GLCCI1: variants seen among roughly 807,000 people sequenced by gnomAD.
GLCCI1 encodes glucocorticoid-induced transcript 1 protein.
GLCCI1 carries 24 observed loss-of-function variants against 52.2 expected under a neutral mutation model. The observed-to-expected ratio is 0.46, with a 90% CI of 0.33 to 0.65. GLCCI1 has a LOEUF of 0.65. Among genes scored for constraint, GLCCI1 ranks in the 30% least tolerant of loss-of-function variants. The pLI is 0.02. For missense variants in GLCCI1, 704 were observed against 701.5 expected (o/e 1.00, Z -0.04); for synonymous variants, 310 against 276.5 (o/e 1.12, Z -1.20).
At chr7:8,047,282 G>T (rs1242457639) in intron 3 of GLCCI1, among the ~76,000 whole-genome samples, 1 of 152,156 alleles carries the variant, frequency 6.6e-6, no homozygotes, top group Non-Finnish European at 1.5e-5. Context: ...TGCTAACCCA[G>T]CCTTTATTTA....
At chr7:8,072,496 T>G (rs1018582635) in intron 6 of GLCCI1, among the ~76,000 whole-genome samples, 1 of 152,168 alleles carries the variant, frequency 6.6e-6, no homozygotes, top group African/African-American at 2.4e-5. Flanking sequence ...ACTAGGAAAT[T>G]TTCATTTCAC....
intron 2 of GLCCI1, among the ~76,000 whole-genome samples, chr7:8,007,671 T>C (rs1267575430): frequency 6.6e-6 from 1 of 152,178 alleles, no homozygotes; most frequent in Non-Finnish European, 1.5e-5. Context: ...TGGACATTGG[T>C]GGAAGGAAGG....
chr7:8,058,944 G>T (rs1014748118), intron 4 of GLCCI1, among the ~76,000 whole-genome samples: 4 of 152,072 alleles, frequency 2.6e-5, no homozygotes, highest in African/African-American at 9.7e-5. Flanking sequence ...CTAGAGAAAA[G>T]AAATGGTCAT....
chr7:8,007,248 C>G (rs990429722), intron 2 of GLCCI1, among the ~76,000 whole-genome samples: 4 of 152,060 alleles, frequency 2.6e-5, no homozygotes, highest in Non-Finnish European at 5.9e-5. Flanking sequence ...GAACCTGAGG[C>G]TTAGAGAAGT....
Position 8,071,082 on chromosome 7 carries a change from G to C in GLCCI1, c.1128G>C (p.Gln376His). The C allele has an allele frequency of 6.2e-7, 1 of 1,614,202 alleles. No homozygotes were observed. Among genetic ancestry groups the C allele is most frequent in the Non-Finnish European group, 8.5e-7 (1 of 1,180,030 alleles). ...CCCCTTTTTGTCCCCCGGAATCCCA[G>C]GATGGTAGCCCTTGCTCAACAGAAG... ...CVSPFCPPES[Q>H]DGSPCSTEDL... The change falls in exon 6 of 8, where the codon CAG becomes CAC. Residue 376 changes from glutamine to histidine, a missense_variant. By Grantham distance (24) the Gln-to-His change is conservative (BLOSUM62 0). Around this residue, in one of 3 missense-constraint regions of GLCCI1, gnomAD observed 547 missense variants for 524.8 expected, o/e 1.04. Transcript: ENST00000223145.
At chr7:8,002,872 AC>A (rs762869170) in intron 1 of GLCCI1, among the ~76,000 whole-genome samples, 1 of 152,108 alleles carries the variant, frequency 6.6e-6, no homozygotes, top group Non-Finnish European at 1.5e-5. Flanking sequence ...TTCTTGTGAT[AC>A]CCCTATGGGA....
At chr7:8,055,992 C>CAAAA (rs35822583) in intron 4 of GLCCI1, among the ~76,000 whole-genome samples, 16 of 120,674 alleles carry the variant, frequency 1.3e-4, no homozygotes, top group African/African-American at 4.8e-4. Flanking sequence ...GACTCCGTCT[C>CAAAA]AAAAAAAAAA....
intron 4 of GLCCI1, 84 bp downstream of exon 4, chr7:8,055,633 C>T: frequency 6.0e-6 from 5 of 833,632 alleles, no homozygotes; most frequent in South Asian, 1.5e-5. Flanking sequence ...TTTAAAAAAA[C>T]CCATAAATAT....
intron 6 of GLCCI1, among the ~76,000 whole-genome samples, chr7:8,083,201 T>C (rs1783034701): frequency 6.6e-6 from 1 of 152,212 alleles, no homozygotes; most frequent in South Asian, 2.1e-4. Flanking sequence ...ACGTATGTAG[T>C]GTGAAATATG....
chr7:8,070,580 T>G (rs1285310043), intron 5 of GLCCI1: 1 of 168,438 alleles, frequency 5.9e-6, no homozygotes, highest in Non-Finnish European at 1.3e-5. Flanking sequence ...TTGTTAATTC[T>G]TTCAGCAAAT....
At chr7:7,992,093 TTCTTTCTG>T (rs1347057405) in intron 1 of GLCCI1, among the ~76,000 whole-genome samples, 14 of 133,388 alleles carry the variant, frequency 1.0e-4, no homozygotes, top group South Asian at 7.1e-4. Flanking sequence ...CTTTCTTTCT[TTCTTTCTG>T]TCTGTTTCTC....
chr7:8,069,674 G>T (rs1202333014), intron 5 of GLCCI1, among the ~76,000 whole-genome samples: 3 of 152,138 alleles, frequency 2.0e-5, no homozygotes, highest in African/African-American at 7.2e-5. Flanking sequence ...CTACTCCAAG[G>T]GCAGCAGGGG....
In GLCCI1 at chr7:8,088,638, C is replaced by G. The variant is rs1783170603; in HGVS notation, c.*2100C>G. On this transcript the variant is annotated 3_prime_UTR_variant, in exon 8 of 8. Coordinates refer to ENST00000223145, the MANE Select transcript of GLCCI1 (RefSeq NM_138426.4). ...TGTTGATCTTACACTCTGCTTTTGT[C>G]CAAATAAAATGCAATAGTATCAATA... 1 of 152,506 alleles carries G rather than the reference C, an allele frequency of 6.6e-6. No homozygotes were observed. Among genetic ancestry groups the G allele is most frequent in the Non-Finnish European group, 1.5e-5 (1 of 68,026 alleles). The allele number at this position is 152,506 out of a possible 1,614,324, so 9.4% of individuals were successfully genotyped here.
chr7:7,984,393 C>T (rs748247704), intron 1 of GLCCI1, among the ~76,000 whole-genome samples: 1 of 152,120 alleles, frequency 6.6e-6, no homozygotes, highest in Non-Finnish European at 1.5e-5. Flanking sequence ...ACCATCCATG[C>T]CCAAAATTTG....
intron 1 of GLCCI1, among the ~76,000 whole-genome samples, chr7:7,985,473 A>G (rs60920460): frequency 0.05 from 7,548 of 152,224 alleles, 308 homozygotes; most frequent in East Asian, 0.19. Flanking sequence ...GATAAAACCA[A>G]TGATGGGCAC....
intron 1 of GLCCI1, among the ~76,000 whole-genome samples, chr7:7,977,985 C>T (rs893030328): frequency 6.6e-6 from 1 of 152,126 alleles, no homozygotes; most frequent in African/African-American, 2.4e-5. Flanking sequence ...ACTGCTTATA[C>T]AGTTAAGTCA....
rs1482544369 is a variant in GLCCI1 at position 7,982,479 on chromosome 7, AT to A, written c.457+12677del. On this transcript the variant is annotated intron_variant, in intron 1 of 7. Coordinates refer to ENST00000223145, the MANE Select transcript of GLCCI1 (RefSeq NM_138426.4). ...AGTCTTCATTTTTGAAGTCTTTCAC[AT>A]TTTTACTCTTCTTTTAAAATGAAGT... Among the ~76,000 whole-genome samples the A allele has an allele frequency of 4.6e-5, 7 of 152,266 alleles. No individual in the cohort carries two copies. In the East Asian group the frequency reaches 1.4e-3, roughly 29 times the overall value.
intron 1 of GLCCI1, among the ~76,000 whole-genome samples, chr7:7,986,773 C>A (rs772310761): frequency 1.2e-4 from 18 of 152,102 alleles, no homozygotes; most frequent in Non-Finnish European, 1.8e-4. Context: ...ATGGTTCCAG[C>A]CTTTATGGTT....
At chr7:7,995,338 G>A (rs748912142) in intron 1 of GLCCI1, among the ~76,000 whole-genome samples, 5 of 151,978 alleles carry the variant, frequency 3.3e-5, no homozygotes, top group Non-Finnish European at 7.4e-5. Context: ...GCAAAACCCC[G>A]TCCTCTACAA....
Sources: gnomAD v4.1 joint callset for allele counts (sites outside exome capture counted in the v4.1 genomes callset) on GRCh38, gnomAD v4.1.1 for gene constraint, gnomAD v4.1.1 regional missense constraint, MANE v1.5 for transcripts, NCBI Gene and HGNC (gene_info 2026-07-23, HGNC 2026-07-21) for gene names.